The following ZNF76 variants were observed in gnomAD, a reference collection of about 807,000 sequenced individuals.
ZNF76 encodes zinc finger protein 523.
ZNF76 carries 66 observed loss-of-function variants against 66.9 expected under a neutral mutation model. The ratio of observed to expected loss-of-function variants is 0.99; its 90% CI spans 0.81 to 1.21. The LOEUF (loss-of-function observed/expected upper bound fraction) is 1.21, where lower values mean the gene tolerates loss of function less well. Ranked by LOEUF, ZNF76 falls within the 50% of genes most tolerant of loss-of-function variation. ZNF76 has a pLI of 0.00. For synonymous variants in ZNF76, 275 were observed against 296.1 expected, an observed-to-expected ratio of 0.93 and a Z score of 0.73; for missense variants, 729 against 760.3, an observed-to-expected ratio of 0.96 and a Z score of 0.48.
At chr6:35,273,720 CACA>C (rs1787480175) in intron 1 of ZNF76, among the ~76,000 whole-genome samples, 1 of 48,796 alleles carries the variant, frequency 2.0e-5, no homozygotes. Flanking sequence ...GACTCCATCT[CACA>C]AAAAAAAAAA....
chr6:35,294,185 A>G, intron 12 of ZNF76: 1 of 583,440 alleles, frequency 1.7e-6, no homozygotes, highest in Admixed American at 3.2e-5. Flanking sequence ...ACTTCTGTCC[A>G]TTTTCAAGTG....
rs144626183 is a variant in ZNF76, at chr6:35,291,701, G to A, written c.895G>A (p.Ala299Thr). The change falls in exon 9 of 14, where the codon GCC (alanine) becomes ACC (threonine). Residue 299 changes from alanine (A) to threonine (T), a missense_variant. Ala to Thr is a moderately conservative substitution (Grantham distance 58). Coordinates refer to ENST00000373953, the MANE Select transcript of ZNF76 (RefSeq NM_003427.5). ...EPHCGRGFTS[A>T]TNYKNHVRIH... ...CCACTGTGGCCGCGGCTTCACCAGC[G>A]CCACCAACTATAAGAATCACGTGCG... is the stretch of plus-strand genomic sequence containing the variant. 1.4e-4 allele frequency: 220 copies of A among 1,612,042 alleles called. 1 individual carries two copies. The highest frequency in any genetic ancestry group is 3.3e-4 in the Admixed American group (20 of 59,996).
Position 35,295,664 on chromosome 6 carries a change from T to A in ZNF76, c.*416T>A, listed in dbSNP as rs1791083850. 4.4e-6 allele frequency: 1 copy of A among 227,872 alleles called. No homozygotes were observed. The allele number at this position is 227,872 out of a possible 1,614,324, so 14.1% of individuals were successfully genotyped here. On this transcript the variant is annotated 3_prime_UTR_variant, in exon 14 of 14. Coordinates refer to ENST00000373953, the MANE Select transcript of ZNF76 (RefSeq NM_003427.5). ...CCCAGTAGCAGTGGAGCAGGCCCTG[T>A]CCTGCCCTCCCAGCAATAACCACCT...
In ZNF76 at chr6:35,295,453, G is replaced by A; in HGVS notation, c.*205G>A. On this transcript the variant is annotated 3_prime_UTR_variant, in exon 14 of 14. Transcript: ENST00000373953. ...GCCAGGCAGCTGGAATCAGGGGAGTGCATCATCCTCGGGAGCTGACAACAG... is the reference window on the plus strand; with the variant it reads ...GCCAGGCAGCTGGAATCAGGGGAGTACATCATCCTCGGGAGCTGACAACAG... The A allele has an allele frequency of 1.6e-6, 1 of 608,322 alleles. No individual in the cohort carries two copies. The highest frequency in any genetic ancestry group is 2.8e-4 in the Middle Eastern group (1 of 3,584). The allele number at this position is 608,322 out of a possible 1,614,324, so 37.7% of individuals were successfully genotyped here.
In ZNF76 at chr6:35,265,759, G is replaced by A. The variant is rs11756875; in HGVS notation, c.-97+5918G>A. Among the ~76,000 whole-genome samples the A allele has an allele frequency of 8.5e-3, 1,294 of 152,096 alleles. 14 individuals carry two copies. The highest frequency in any genetic ancestry group is 0.012 in the Non-Finnish European group (840 of 68,010). ...GAAACATGAGGAAGCCAGCCAATAC[G>A]GCTGCAGTATATTAGTGAGAGAAGA... On this transcript the variant is annotated intron_variant, in intron 1 of 13. Coordinates refer to ENST00000373953, the MANE Select transcript of ZNF76 (RefSeq NM_003427.5).
intron 1 of ZNF76, among the ~76,000 whole-genome samples, chr6:35,264,306 T>C (rs1397832709): frequency 6.6e-6 from 1 of 152,188 alleles, no homozygotes; most frequent in East Asian, 1.9e-4. Flanking sequence ...GGTGGGGGAA[T>C]GGGTGTAAGT....
chr6:35,287,525 A>C lies in ZNF76; in HGVS notation c.233-121A>C. On this transcript the variant is annotated intron_variant, in intron 4 of 13. Transcript: ENST00000373953. This position sits in a 1 kb window ranked among gnomAD's most constrained non-coding sequence, Gnocchi z 4.0. ...AGAGTGAATCACAAAGTGAAGGGCCATGAGAAATTGGATGTTGAAACCCTC... is the reference window on the plus strand; with the variant it reads ...AGAGTGAATCACAAAGTGAAGGGCCCTGAGAAATTGGATGTTGAAACCCTC... 1 of 892,146 alleles carries C rather than the reference A, an allele frequency of 1.1e-6. No individual in the cohort carries two copies. The highest frequency in any genetic ancestry group is 2.6e-5 in the East Asian group (1 of 37,756). The allele number at this position is 892,146 out of a possible 1,614,324, so 55.3% of individuals were successfully genotyped here.
rs747006074 is a variant in ZNF76 at position 35,292,548 on chromosome 6, C to G, written c.932-6C>G. On this transcript the variant is annotated splice_region_variant and splice_polypyrimidine_tract_variant and intron_variant, in intron 9 of 13. Transcript: ENST00000373953. This position sits in a 1 kb window ranked among gnomAD's most constrained non-coding sequence, Gnocchi z 4.7. The stretch of plus-strand genomic sequence containing the variant: ...TCCCACCCCCCTCACAGCCCAGTGT[C>G]CCCAGGGGAGAAGCCATACGTTTGC... The G allele has an allele frequency of 6.2e-7, 1 of 1,612,506 alleles. No individual in the cohort carries two copies.
chr6:35,276,801 T>G (rs989138342), intron 1 of ZNF76, among the ~76,000 whole-genome samples: 3 of 146,924 alleles, frequency 2.0e-5, no homozygotes, highest in Non-Finnish European at 3.0e-5. Flanking sequence ...GTTTTTTTTT[T>G]TTTTTTTTTT....
At chr6:35,272,391 T>C (rs1787207050) in intron 1 of ZNF76, among the ~76,000 whole-genome samples, 2 of 152,010 alleles carry the variant, frequency 1.3e-5, no homozygotes, top group Non-Finnish European at 2.9e-5. Context: ...ATTACTTTAG[T>C]CTAGGAGTTC....
chr6:35,272,533 A>T (rs1787258498), intron 1 of ZNF76, among the ~76,000 whole-genome samples: 1 of 151,782 alleles, frequency 6.6e-6, no homozygotes, highest in East Asian at 1.9e-4. Flanking sequence ...ACATATATAT[A>T]TCCAAGAGGT....
intron 1 of ZNF76, among the ~76,000 whole-genome samples, chr6:35,273,138 A>G (rs371931305): frequency 6.7e-6 from 1 of 150,086 alleles, no homozygotes; most frequent in East Asian, 2.1e-4. Context: ...CCTGGGCAAC[A>G]GAGTGAGACT....
intron 1 of ZNF76, among the ~76,000 whole-genome samples, chr6:35,274,140 T>TGTCTTTTTTC (rs1307786619): frequency 6.6e-6 from 1 of 152,252 alleles, no homozygotes; most frequent in African/African-American, 2.4e-5. Flanking sequence ...CAAACTAATG[T>TGTCTTTTTTC]GTCTTTTTTC....
intron 7 of ZNF76, 160 bp from the exon 8 acceptor site, chr6:35,291,118 G>C (rs570939987): frequency 1.2e-5 from 10 of 866,864 alleles, no homozygotes; most frequent in Admixed American, 5.7e-5. Context: ...AAGCAGGGCA[G>C]AGTGGGCTTT....
At position 35,295,778 on chromosome 6, in the gene ZNF76, A is replaced by G. The variant is rs1194; in HGVS notation, c.*530A>G. The stretch of plus-strand genomic sequence containing the variant: ...TTAATTCCTCAGGGGCCTGTGGCTG[A>G]AGAAAAGGTGCCCAGCCCCCACCAC... On this transcript the variant is annotated 3_prime_UTR_variant, in exon 14 of 14. Coordinates refer to ENST00000373953, the MANE Select transcript of ZNF76 (RefSeq NM_003427.5). 145,374 of 183,878 alleles carry G rather than the reference A, an allele frequency of 0.79. 58,358 individuals are homozygous for G. The highest frequency in any genetic ancestry group is 0.85 in the Non-Finnish European group (72,070 of 84,610). 11.4% of individuals were successfully genotyped at this position (183,878 alleles called of 1,614,324 possible). A position where few individuals can be genotyped will look rare whatever the true frequency, so the allele number is the denominator to read the frequency against.
At chr6:35,263,385 C>T (rs1215328094) in intron 1 of ZNF76, among the ~76,000 whole-genome samples, 1 of 152,170 alleles carries the variant, frequency 6.6e-6, no homozygotes, top group Non-Finnish European at 1.5e-5. Flanking sequence ...ACTGAATTAG[C>T]CCCATTGTTT....
intron 9 of ZNF76, 33 bp downstream of exon 9, chr6:35,291,770 C>T (rs1222248645): frequency 6.3e-6 from 10 of 1,599,756 alleles, no homozygotes; most frequent in Non-Finnish European, 8.5e-6. Context: ...ACTACCCTCA[C>T]TCAGGCCCCA....
intron 1 of ZNF76, among the ~76,000 whole-genome samples, chr6:35,272,941 G>C (rs949499912): frequency 1.3e-5 from 2 of 152,048 alleles, no homozygotes; most frequent in Non-Finnish European, 2.9e-5. Context: ...ATCACTTGAG[G>C]TCAGGCGTTC....
intron 5 of ZNF76, among the ~76,000 whole-genome samples, chr6:35,289,169 A>C (rs1790029311): frequency 6.6e-6 from 1 of 152,046 alleles, no homozygotes; most frequent in South Asian, 2.1e-4. Flanking sequence ...ACCTCAGCTT[A>C]TTCCTAATAT....
Sources: allele counts gnomAD v4.1 joint callset (sites outside exome capture counted in the v4.1 genomes callset), GRCh38; gene constraint gnomAD v4.1.1; non-coding constraint Gnocchi (gnomAD v3.1); transcripts MANE v1.5; gene names NCBI Gene and HGNC (gene_info 2026-07-23, HGNC 2026-07-21).